Variants in PAX6 observed in about 807,000 individuals in gnomAD.
PAX6 encodes the protein paired box protein Pax-6.
In PAX6, 7 loss-of-function variants were observed where a neutral mutation model predicts 60.7. The ratio of observed to expected loss-of-function variants is 0.12; its 90% CI spans 0.07 to 0.22. The LOEUF is 0.22. PAX6 is among the 10% of genes least tolerant of loss of function. The pLI is 1.00. For missense variants in PAX6, 355 were observed against 555.2 expected (o/e 0.64, Z 3.62); for synonymous variants, 208 against 201.2 (o/e 1.03, Z -0.29).
chr11:31,793,325 T>C (rs555833360), intron 12 of PAX6, 113 bp downstream of exon 12: 21 of 855,036 alleles, frequency 2.5e-5, no homozygotes, highest in Admixed American at 7.0e-5. Context: ...CCAATCACTG[T>C]AGTGCGAAAA....
intron 7 of PAX6, 99 bp from the exon 8 acceptor site, chr11:31,800,955 C>G (rs1953625342): frequency 2.4e-6 from 3 of 1,273,304 alleles, no homozygotes; most frequent in African/African-American, 1.5e-5. Flanking sequence ...ACTCTCAACC[C>G]GTTAAAAAGC....
chr11:31,793,021 G>A (rs775452544), intron 12 of PAX6: 44 of 541,292 alleles, frequency 8.1e-5, no homozygotes, highest in East Asian at 1.2e-4. Flanking sequence ...CCCCAAATGC[G>A]TGCACAGATT....
At chr11:31,814,132 C>G (rs1163839767), upstream of PAX6, 1 of 152,136 alleles carries the variant, frequency 6.6e-6, no homozygotes, top group Non-Finnish European at 1.5e-5. Context: ...CCTGTTCCCC[C>G]CTACCCTCCG....
upstream of PAX6, among the ~76,000 whole-genome samples, chr11:31,813,868 C>T (rs1957248051): frequency 6.6e-6 from 1 of 152,146 alleles, no homozygotes; most frequent in Non-Finnish European, 1.5e-5. Flanking sequence ...GGGTGCTGTT[C>T]TACCTCGTGG....
At chr11:31,802,285 C>T in intron 5 of PAX6, 1 of 321,338 alleles carries the variant, frequency 3.1e-6, no homozygotes, top group Non-Finnish European at 5.7e-6. Context: ...ATATATTATT[C>T]ATAAACATGA....
chr11:31,794,261 G>A (rs111237386), intron 9 of PAX6, 147 bp from the exon 10 acceptor site: 24 of 741,764 alleles, frequency 3.2e-5, no homozygotes, highest in African/African-American at 6.9e-5. Context: ...ACTGTACTTG[G>A]AAGAACTTTC....
At chr11:31,799,373 G>A (rs1161033858) in intron 8 of PAX6, among the ~76,000 whole-genome samples, 1 of 152,092 alleles carries the variant, frequency 6.6e-6, no homozygotes, top group African/African-American at 2.4e-5. Context: ...AACAAGAAGC[G>A]AGCGCTTTGC....
At chr11:31,801,493 G>A (rs1317728398) in intron 7 of PAX6, 68 bp downstream of exon 7, 8 of 1,611,104 alleles carry the variant, frequency 5.0e-6, no homozygotes, top group Admixed American at 1.7e-5. Context: ...GAGAGAGGGT[G>A]GGAGGAGGTA....
chr11:31,811,500 G>C (rs1210884600), upstream of PAX6: 2 of 304,294 alleles, frequency 6.6e-6, no homozygotes, highest in Non-Finnish European at 1.2e-5. Context: ...CCGGCGCAGG[G>C]CCCCCGAGCC....
chr11:31,802,225 G>A (rs550188885), intron 5 of PAX6: 25 of 398,438 alleles, frequency 6.3e-5, no homozygotes, highest in African/African-American at 4.7e-4. Flanking sequence ...ACTCAATTGA[G>A]TAAATGTGAG....
At chr11:31,793,903 A>T (rs1195221643) in intron 10 of PAX6, 101 bp from the exon 11 acceptor site, 1 of 1,427,908 alleles carries the variant, frequency 7.0e-7, no homozygotes, top group African/African-American at 1.4e-5. Flanking sequence ...GCAGCAGAGC[A>T]TTTAGCAGAC....
intron 8 of PAX6, chr11:31,800,417 GCA>G (rs974947154): frequency 1.8e-5 from 10 of 562,330 alleles, no homozygotes; most frequent in Admixed American, 6.1e-5. Flanking sequence ...TCGTTCTTAT[GCA>G]CACAGTGCTG....
In PAX6 at chr11:31,800,881, C is replaced by T. The variant is rs375598369; in HGVS notation, c.400-25G>A. 6.2e-6 allele frequency: 10 copies of T among 1,611,842 alleles called. No homozygotes were observed. In the East Asian group the frequency reaches 1.6e-4, roughly 25 times the overall value. On this transcript the variant is annotated intron_variant, in intron 7 of 13. Transcript: ENST00000640368. Reference sequence around the variant, plus strand: ...CCTGCAAATCAAACCAAAATCAAACCAAATGGTAGTGTCTCCTGAAGACAC... The same window carrying T: ...CCTGCAAATCAAACCAAAATCAAACTAAATGGTAGTGTCTCCTGAAGACAC...
upstream of PAX6, among the ~76,000 whole-genome samples, chr11:31,816,054 G>T (rs1193957755): frequency 6.6e-6 from 1 of 152,216 alleles, no homozygotes; most frequent in Non-Finnish European, 1.5e-5. Flanking sequence ...GGCAGCCCTC[G>T]TTCCCGGCCA....
chr11:31,802,651 T>G, intron 5 of PAX6, 53 bp downstream of exon 5: 1 of 1,576,102 alleles, frequency 6.3e-7, no homozygotes, highest in African/African-American at 1.4e-5. Context: ...AGAGAGGGCG[T>G]TGAGAGTGGA....
upstream of PAX6, chr11:31,814,028 A>G (rs1957254334): frequency 6.6e-6 from 1 of 152,048 alleles, no homozygotes; most frequent in South Asian, 2.1e-4. Flanking sequence ...GGCTACCAAC[A>G]CGCCCGAGGC....
At chr11:31,792,705 G>A (rs1374106493) in intron 12 of PAX6, 3 of 163,304 alleles carry the variant, frequency 1.8e-5, no homozygotes, top group African/African-American at 7.2e-5. Flanking sequence ...TGAACCTAGT[G>A]CAGGACCTCT....
rs755528147 is a variant in PAX6 at position 31,793,481 on chromosome 11, G to A, written c.1031C>T (p.Pro344Leu). The A allele has an allele frequency of 5.6e-6, 9 of 1,614,126 alleles. No homozygotes were observed. The highest frequency in any genetic ancestry group is 5.3e-5 in the African/African-American group (4 of 74,942). ...TALTNTYSAL[P>L]PMPSFTMANN... ...TGCCATGGTGAAGCTGGGCATAGGC[G>A]GCAGAGCGCTGTAGGTGTTTGTGAG... is the stretch of plus-strand genomic sequence containing the variant. The change falls in exon 12 of 14, where the codon CCG (proline) becomes CTG (leucine). Residue 344 changes from proline (P) to leucine (L), a missense_variant. Physicochemically the swap from Pro to Leu is moderately conservative, Grantham distance 98. This residue lies in a region of PAX6 where 149 missense variants were observed against 191.9 expected (regional missense o/e 0.78). Transcript: ENST00000640368.
chr11:31,799,555 C>G lies in PAX6; in HGVS notation c.565+1136G>C, dbSNP rs79923852. On this transcript the variant is annotated intron_variant, in intron 8 of 13. Transcript: ENST00000640368. ...GCCTTAATGAGAAACAAAACGTTCT[C>G]TAATGAGCAATTACAGAGCGACAGG... 7.9e-3 allele frequency among the ~76,000 whole-genome samples: 1,202 copies of G among 152,366 alleles called. 18 individuals are homozygous for G. The highest frequency in any genetic ancestry group is 0.027 in the African/African-American group (1,127 of 41,596).
Sources: allele counts gnomAD v4.1 joint callset (sites outside exome capture counted in the v4.1 genomes callset), GRCh38; gene constraint gnomAD v4.1.1; regional missense constraint gnomAD v4.1.1; transcripts MANE v1.5; gene names NCBI Gene and HGNC (gene_info 2026-07-23, HGNC 2026-07-21).